KANK1: variants seen among roughly 807,000 people sequenced by gnomAD.
KANK1 encodes KN motif and ankyrin repeat domains 1.
KANK1 carries 109 observed loss-of-function variants against 106.2 expected under a neutral mutation model. That is an observed-to-expected ratio of 1.03 (90% CI 0.88 to 1.20). The LOEUF (loss-of-function observed/expected upper bound fraction) is 1.20, where lower values mean the gene tolerates loss of function less well. Among genes scored for constraint, KANK1 ranks in the 50% most tolerant of loss-of-function variants. The probability of loss-of-function intolerance (pLI) is 0.00; values close to 1 mark genes in which losing one functional copy is unlikely to be tolerated. For synonymous variants in KANK1, 873 were observed against 652.2 expected (o/e 1.34, Z -5.16); for missense variants, 2,399 against 1,710.7 (o/e 1.40, Z -7.10).
At chr9:555,346 G>A (rs944848085) in intron 1 of KANK1, among the ~76,000 whole-genome samples, 2 of 152,072 alleles carry the variant, frequency 1.3e-5, no homozygotes, top group African/African-American at 4.8e-5. Context: ...TCCACACCAT[G>A]TACATGATGG....
chr9:731,521 T>TA, intron 5 of KANK1: 1 of 298,782 alleles, frequency 3.3e-6, no homozygotes, highest in Non-Finnish European at 6.3e-6. Flanking sequence ...CTGAAAGAAA[T>TA]AGTCTTCAGC....
chr9:733,197 G>T (rs1216249981), intron 6 of KANK1: 1 of 152,214 alleles, frequency 6.6e-6, no homozygotes, highest in Non-Finnish European at 1.5e-5. Context: ...GCCTCAGAAT[G>T]TAAGTTTTCA....
In KANK1 at chr9:712,132, G is replaced by A. The variant is rs1179638190; in HGVS notation, c.1366G>A (p.Glu456Lys). 6.2e-7 allele frequency: 1 copy of A among 1,614,002 alleles called. No individual in the cohort carries two copies. Among genetic ancestry groups the A allele is most frequent in the East Asian group, 2.2e-5 (1 of 44,898 alleles). Reference sequence around the variant, plus strand: ...GATGACTGAAGCTGACAAAGAAATTGAGCTGCAACAGCAGACCATAGAATC... The same window carrying A: ...GATGACTGAAGCTGACAAAGAAATTAAGCTGCAACAGCAGACCATAGAATC... ...GVMTEADKEI[E>K]LQQQTIESLK... Residue 456 changes from glutamate (E) to lysine (K), a missense_variant, in exon 3 of 12, where the codon GAG becomes AAG. By Grantham distance (56) the Glu-to-Lys change is moderately conservative. Transcript: ENST00000382297.
intron 2 of KANK1, among the ~76,000 whole-genome samples, chr9:697,325 C>G (rs1426403348): frequency 6.6e-6 from 1 of 152,154 alleles, no homozygotes; most frequent in Non-Finnish European, 1.5e-5. Flanking sequence ...CAACTTTGAT[C>G]ACCTGGTCGA....
At chr9:687,756 C>G (rs1008994372) in intron 2 of KANK1, among the ~76,000 whole-genome samples, 1 of 152,204 alleles carries the variant, frequency 6.6e-6, no homozygotes, top group African/African-American at 2.4e-5. Context: ...GAGTTCCTCT[C>G]TTCCTCTTCT....
chr9:694,996 C>G (rs1326139423), intron 2 of KANK1, among the ~76,000 whole-genome samples: 1 of 152,152 alleles, frequency 6.6e-6, no homozygotes, highest in African/African-American at 2.4e-5. Flanking sequence ...CTGGAAGCAA[C>G]TTTGGAAATC....
chr9:730,404 C>G, intron 4 of KANK1, 156 bp downstream of exon 4: 1 of 828,702 alleles, frequency 1.2e-6, no homozygotes, highest in Non-Finnish European at 1.9e-6. Flanking sequence ...ATAAGGTTAC[C>G]AAAGAGGCCG....
intron 1 of KANK1, among the ~76,000 whole-genome samples, chr9:510,507 A>G (rs1263366284): frequency 6.6e-6 from 1 of 152,158 alleles, no homozygotes; most frequent in Non-Finnish European, 1.5e-5. Context: ...GCTTCCCCCA[A>G]AAGTAAGACT....
chr9:631,425 A>G (rs1173994268), intron 1 of KANK1, among the ~76,000 whole-genome samples: 1 of 152,046 alleles, frequency 6.6e-6, no homozygotes, highest in African/African-American at 2.4e-5. Flanking sequence ...AGGACCATCA[A>G]CTATACCCTT....
chr9:596,574 T>A (rs1439847419), intron 1 of KANK1, among the ~76,000 whole-genome samples: 1 of 151,738 alleles, frequency 6.6e-6, no homozygotes, highest in Non-Finnish European at 1.5e-5. Context: ...TCTTAGAGTG[T>A]TTCACAGAGA....
At chr9:504,393 T>C (rs908918182), upstream of KANK1, among the ~76,000 whole-genome samples, 3 of 151,190 alleles carry the variant, frequency 2.0e-5, no homozygotes, top group Non-Finnish European at 4.4e-5. Context: ...GCGGGCCTGG[T>C]GGAGTTGCAG....
chr9:668,400 GA>G (rs774952243), intron 1 of KANK1, among the ~76,000 whole-genome samples: 46 of 152,026 alleles, frequency 3.0e-4, no homozygotes, highest in Non-Finnish European at 5.4e-4. Context: ...CTTGGGAGCT[GA>G]ATTTCAGTCC....
At chr9:511,553 CAA>C (rs2059026735) in intron 1 of KANK1, among the ~76,000 whole-genome samples, 1 of 147,190 alleles carries the variant, frequency 6.8e-6, no homozygotes, top group South Asian at 2.1e-4. Flanking sequence ...GAGTTAAAAC[CAA>C]CTCTGTTGGT....
intron 1 of KANK1, among the ~76,000 whole-genome samples, chr9:616,304 A>G (rs1180462236): frequency 6.6e-6 from 1 of 152,208 alleles, no homozygotes; most frequent in Non-Finnish European, 1.5e-5. Flanking sequence ...TTTAGGTGAT[A>G]CTGTATCAAC....
Position 581,297 on chromosome 9 carries a change from A to T in KANK1, c.-84+76543A>T, listed in dbSNP as rs540240711. Among the ~76,000 whole-genome samples, 24 of 152,320 alleles carry T rather than the reference A, an allele frequency of 1.6e-4. No individual in the cohort carries two copies. In the South Asian group the frequency reaches 2.9e-3, roughly 18 times the overall value. On this transcript the variant is annotated intron_variant, in intron 1 of 11. Transcript: ENST00000382297. ...CCGAGAGCAGGCAAGGGCTGACAGC[A>T]CGTTGTCACCTCTCAATGCCTATCT...
At chr9:623,335 ATC>A (rs1275885188) in intron 1 of KANK1, among the ~76,000 whole-genome samples, 1 of 152,134 alleles carries the variant, frequency 6.6e-6, no homozygotes, top group African/African-American at 2.4e-5. Context: ...CATGCCTGTA[ATC>A]TCACCATTTT....
At chr9:604,345 G>C (rs1028256487) in intron 1 of KANK1, among the ~76,000 whole-genome samples, 16 of 151,802 alleles carry the variant, frequency 1.1e-4, no homozygotes, top group Admixed American at 8.5e-4. Context: ...TTGAGGGAGG[G>C]ACCTGATGGG....
At chr9:646,777 C>A (rs1332597894) in intron 1 of KANK1, among the ~76,000 whole-genome samples, 1 of 150,164 alleles carries the variant, frequency 6.7e-6, no homozygotes, top group Non-Finnish European at 1.5e-5. Context: ...GCAATCTCCG[C>A]CTCCCGGGTT....
intron 1 of KANK1, among the ~76,000 whole-genome samples, chr9:636,452 C>T (rs901277652): frequency 1.3e-5 from 2 of 152,156 alleles, no homozygotes; most frequent in African/African-American, 4.8e-5. Flanking sequence ...CATTTCTCTT[C>T]TGTTCCACAG....
Sources: gnomAD v4.1 joint callset for allele counts (sites outside exome capture counted in the v4.1 genomes callset) on GRCh38, gnomAD v4.1.1 for gene constraint, MANE v1.5 for transcripts, NCBI Gene and HGNC (gene_info 2026-07-23, HGNC 2026-07-21) for gene names.